The following SCFD2 variants were observed in gnomAD, a reference collection of about 807,000 sequenced individuals.
The protein encoded by SCFD2 is sec1 family domain containing 2.
SCFD2 carries 54 observed loss-of-function variants against 58.9 expected under a neutral mutation model. That is an observed-to-expected ratio of 0.92 (90% CI 0.74 to 1.15). SCFD2 has a LOEUF of 1.15. SCFD2 is among the 50% of genes most tolerant of loss of function. The pLI is 0.00. For missense variants in SCFD2, 805 were observed against 836.6 expected, an observed-to-expected ratio of 0.96 and a Z score of 0.47; for synonymous variants, 321 against 335.9, an observed-to-expected ratio of 0.96 and a Z score of 0.49.
chr4:52,943,468 C>T (rs371805134), intron 5 of SCFD2, among the ~76,000 whole-genome samples: 3 of 152,088 alleles, frequency 2.0e-5, no homozygotes, highest in South Asian at 2.1e-4. Context: ...AGGGCGGAAC[C>T]AGGTGTAGCT....
intron 5 of SCFD2, among the ~76,000 whole-genome samples, chr4:52,959,905 C>A (rs1324054900): frequency 6.6e-6 from 1 of 151,750 alleles, no homozygotes; most frequent in African/African-American, 2.4e-5. Context: ...GAAACACACA[C>A]ACACACACAC....
chr4:53,350,560 T>C (rs1359516078), intron 2 of SCFD2, among the ~76,000 whole-genome samples: 1 of 152,234 alleles, frequency 6.6e-6, no homozygotes, highest in African/African-American at 2.4e-5. Flanking sequence ...GTTTGTATAA[T>C]CACTATGTTG....
chr4:53,173,567 T>C (rs139494238), intron 4 of SCFD2, among the ~76,000 whole-genome samples: 6 of 152,318 alleles, frequency 3.9e-5, no homozygotes, highest in African/African-American at 1.4e-4. Flanking sequence ...GAAAATCTAA[T>C]CAATTTACAT....
intron 4 of SCFD2, among the ~76,000 whole-genome samples, chr4:53,256,722 C>G (rs62324286): frequency 6.6e-6 from 1 of 150,928 alleles, no homozygotes. Flanking sequence ...CAAAAAAATA[C>G]GAAAACCAGT....
At chr4:52,920,294 T>C (rs187527101) in intron 6 of SCFD2, among the ~76,000 whole-genome samples, 18 of 152,336 alleles carry the variant, frequency 1.2e-4, no homozygotes, top group African/African-American at 4.1e-4. Flanking sequence ...ACAAACTTTT[T>C]CCCTTGTCGT....
chr4:53,298,890 T>G (rs555450690), intron 3 of SCFD2, among the ~76,000 whole-genome samples: 2 of 152,318 alleles, frequency 1.3e-5, no homozygotes, highest in Admixed American at 6.5e-5. Flanking sequence ...GGGTCCTGAC[T>G]GTTAGAAGGA....
At chr4:52,896,020 T>A (rs1439765887) in intron 7 of SCFD2, among the ~76,000 whole-genome samples, 1 of 152,228 alleles carries the variant, frequency 6.6e-6, no homozygotes, top group African/African-American at 2.4e-5. Flanking sequence ...TTTGTTTTTT[T>A]CTTGTAAATT....
At chr4:53,245,453 A>G (rs529011950) in intron 4 of SCFD2, among the ~76,000 whole-genome samples, 1 of 152,326 alleles carries the variant, frequency 6.6e-6, no homozygotes, top group South Asian at 2.1e-4. Flanking sequence ...TTGGCTTAAC[A>G]TATGTAAATC....
intron 5 of SCFD2, among the ~76,000 whole-genome samples, chr4:52,981,638 A>G (rs1721376834): frequency 6.6e-6 from 1 of 152,098 alleles, no homozygotes; most frequent in African/African-American, 2.4e-5. Context: ...CCAGAAGGTT[A>G]AGTGACTTCC....
chr4:53,291,806 A>G (rs1376567951), intron 3 of SCFD2, among the ~76,000 whole-genome samples: 1 of 152,102 alleles, frequency 6.6e-6, no homozygotes, highest in Non-Finnish European at 1.5e-5. Flanking sequence ...AAAAGAATAG[A>G]GAACTCAGAA....
chr4:52,904,188 T>C (rs1719291080), intron 7 of SCFD2, among the ~76,000 whole-genome samples: 1 of 152,136 alleles, frequency 6.6e-6, no homozygotes, highest in South Asian at 2.1e-4. Flanking sequence ...CATCTATGAG[T>C]TCAGGAACAG....
At chr4:52,960,987 GA>G (rs1031490883) in intron 5 of SCFD2, among the ~76,000 whole-genome samples, 7 of 152,180 alleles carry the variant, frequency 4.6e-5, no homozygotes, top group African/African-American at 1.7e-4. Flanking sequence ...CCTCCTGGGG[GA>G]AGTGGGACCT....
chr4:53,307,845 G>A (rs1333364588), intron 3 of SCFD2, among the ~76,000 whole-genome samples: 4 of 152,124 alleles, frequency 2.6e-5, no homozygotes, highest in Middle Eastern at 3.2e-3. Context: ...TGCCACTGCT[G>A]TGGTGAAGGA....
chr4:53,221,908 A>G (rs1198284807), intron 4 of SCFD2, among the ~76,000 whole-genome samples: 1 of 152,224 alleles, frequency 6.6e-6, no homozygotes, highest in South Asian at 2.1e-4. Flanking sequence ...CAGAGGAACC[A>G]CAACAACAAA....
intron 3 of SCFD2, among the ~76,000 whole-genome samples, chr4:53,301,470 C>A (rs1353892816): frequency 4.0e-5 from 6 of 151,494 alleles, no homozygotes; most frequent in Non-Finnish European, 7.4e-5. Flanking sequence ...AGCTTACCAA[C>A]CAAAAAAAAC....
At chr4:52,974,071 T>C (rs1577872034) in intron 5 of SCFD2, among the ~76,000 whole-genome samples, 1 of 152,322 alleles carries the variant, frequency 6.6e-6, no homozygotes, top group African/African-American at 2.4e-5. Context: ...TCATACTGAA[T>C]AGGCAAAAAC....
At chr4:53,144,235 C>T (rs1389649865) in intron 5 of SCFD2, among the ~76,000 whole-genome samples, 4 of 151,134 alleles carry the variant, frequency 2.6e-5, no homozygotes, top group Non-Finnish European at 4.4e-5. Context: ...TCGCTTGAGC[C>T]CAGGAGTTTG....
intron 6 of SCFD2, among the ~76,000 whole-genome samples, chr4:52,909,697 T>C (rs1421060086): frequency 6.6e-6 from 1 of 152,172 alleles, no homozygotes; most frequent in Non-Finnish European, 1.5e-5. Context: ...TAATAAATTA[T>C]TTATGCATGA....
At chr4:53,260,788 G>T (rs1730806959) in intron 4 of SCFD2, among the ~76,000 whole-genome samples, 1 of 152,154 alleles carries the variant, frequency 6.6e-6, no homozygotes, top group South Asian at 2.1e-4. Context: ...GTGTGGAATA[G>T]TGTCAATAGG....
Sources: allele counts gnomAD v4.1 joint callset (sites outside exome capture counted in the v4.1 genomes callset), GRCh38; gene constraint gnomAD v4.1.1; transcripts MANE v1.5; gene names NCBI Gene and HGNC (gene_info 2026-07-23, HGNC 2026-07-21).